The following ENOX2 variants were observed in gnomAD, a reference collection of about 807,000 sequenced individuals.
The protein encoded by ENOX2 is ecto-NOX disulfide-thiol exchanger 2, also known as APK1 antigen.
Under a neutral mutation model 45.0 loss-of-function variants are expected in ENOX2, and 36 were observed. The observed-to-expected ratio is 0.80, with a 90% CI of 0.61 to 1.06. The LOEUF (loss-of-function observed/expected upper bound fraction) is 1.06, where lower values mean the gene tolerates loss of function less well. ENOX2 is among the 50% of genes least tolerant of loss of function. The pLI is 0.00. For synonymous variants in ENOX2, 174 were observed against 152.3 expected (o/e 1.14, Z -1.05); for missense variants, 423 against 462.5 (o/e 0.91, Z 0.78).
chrX:130,664,075 A>G (rs1302454381), intron 9 of ENOX2, among the ~76,000 whole-genome samples: 1 of 112,014 alleles, frequency 8.9e-6, no homozygotes, highest in Non-Finnish European at 1.9e-5. Flanking sequence ...ACAAGTAAAG[A>G]TGCTATTGGC....
chrX:130,807,045 T>C (rs776676097), intron 2 of ENOX2, among the ~76,000 whole-genome samples: 1 of 112,029 alleles, frequency 8.9e-6, no homozygotes, highest in South Asian at 3.7e-4. Context: ...TTCTCCTAAC[T>C]ACACTTGACC....
chrX:130,750,806 C>A (rs923606509), intron 3 of ENOX2, among the ~76,000 whole-genome samples: 3 of 111,454 alleles, frequency 2.7e-5, no homozygotes, highest in African/African-American at 9.8e-5. Context: ...CTGTCTGCTG[C>A]TCTGTGCTTC....
chrX:130,783,762 G>A (rs998210062), intron 2 of ENOX2, 72 bp from the exon 3 acceptor site: 1 of 227,666 alleles, frequency 4.4e-6, no homozygotes, highest in Admixed American at 6.3e-5. Context: ...TTTATTATAT[G>A]AGCCACTAGT....
chrX:130,838,389 C>G (rs1603365843), intron 2 of ENOX2, among the ~76,000 whole-genome samples: 1 of 111,534 alleles, frequency 9.0e-6, no homozygotes, highest in Middle Eastern at 4.6e-3. Context: ...TCTCAAAAAA[C>G]AAACAAAAAA....
chrX:130,689,097 A>T (rs2037523962), intron 4 of ENOX2, 79 bp from the exon 5 acceptor site: 2 of 892,940 alleles, frequency 2.2e-6, no homozygotes, highest in Non-Finnish European at 3.1e-6. Context: ...GTAAGCTTCA[A>T]ATCAAAGGCC....
intron 2 of ENOX2, among the ~76,000 whole-genome samples, chrX:130,874,801 T>C (rs1427637238): frequency 2.7e-5 from 3 of 110,993 alleles, no homozygotes; most frequent in Non-Finnish European, 5.7e-5. Flanking sequence ...TGTAGAGACA[T>C]ACACACAGCC....
intron 2 of ENOX2, among the ~76,000 whole-genome samples, chrX:130,860,771 C>T (rs2078395952): frequency 8.9e-6 from 1 of 111,746 alleles, no homozygotes; most frequent in Non-Finnish European, 1.9e-5. Flanking sequence ...TTCCACCTTG[C>T]TCATACACCT....
chrX:130,732,258 G>A (rs368777134), intron 3 of ENOX2, among the ~76,000 whole-genome samples: 22 of 111,802 alleles, frequency 2.0e-4, no homozygotes, highest in East Asian at 1.9e-3. Context: ...ATAATAGCAC[G>A]AAGGAGAATA....
chrX:130,773,860 T>G (rs1033788013), intron 3 of ENOX2, among the ~76,000 whole-genome samples: 1 of 112,289 alleles, frequency 8.9e-6, no homozygotes, highest in Non-Finnish European at 1.9e-5. Context: ...TTAAATTGAA[T>G]AGCTCACATT....
intron 2 of ENOX2, among the ~76,000 whole-genome samples, chrX:130,870,890 G>A (rs898441776): frequency 9.7e-6 from 1 of 103,103 alleles, no homozygotes; most frequent in Middle Eastern, 4.9e-3. Flanking sequence ...GGGAGGGAGA[G>A]AGGGAGGGAG....
At chrX:130,796,611 GGTTT>G (rs2077133059) in intron 2 of ENOX2, among the ~76,000 whole-genome samples, 2 of 111,750 alleles carry the variant, frequency 1.8e-5, no homozygotes, top group Non-Finnish European at 3.8e-5. Flanking sequence ...TCTCAGACTT[GGTTT>G]ATTTTGTCTA....
intron 9 of ENOX2, among the ~76,000 whole-genome samples, chrX:130,658,853 G>A (rs1056272025): frequency 8.9e-6 from 1 of 112,273 alleles, no homozygotes; most frequent in Non-Finnish European, 1.9e-5. Flanking sequence ...ATAGACTTGC[G>A]CTATAGAAAT....
chrX:130,656,479 G>A (rs1001215756), intron 10 of ENOX2, 102 bp downstream of exon 10: 19 of 508,967 alleles, frequency 3.7e-5, no homozygotes, highest in Middle Eastern at 5.6e-4. Flanking sequence ...TGGTATCCAG[G>A]CTGATAGGTT....
chrX:130,744,245 C>T (rs1734711870), intron 3 of ENOX2, among the ~76,000 whole-genome samples: 1 of 111,985 alleles, frequency 8.9e-6, no homozygotes, highest in Non-Finnish European at 1.9e-5. Context: ...TTAGATGGCT[C>T]TATGAGTTCC....
intron 2 of ENOX2, among the ~76,000 whole-genome samples, chrX:130,789,619 G>A (rs2077013698): frequency 8.9e-6 from 1 of 112,178 alleles, no homozygotes; most frequent in African/African-American, 3.2e-5. Context: ...TCAGTACTTG[G>A]CAATAAGAAC....
chrX:130,683,914 T>A (rs1427422149), intron 5 of ENOX2, among the ~76,000 whole-genome samples: 1 of 112,051 alleles, frequency 8.9e-6, no homozygotes, highest in Non-Finnish European at 1.9e-5. Context: ...TCTAGTTTGA[T>A]CCATTGACTT....
intron 10 of ENOX2, among the ~76,000 whole-genome samples, chrX:130,642,776 AT>A (rs368347365): frequency 0.013 from 1,406 of 111,940 alleles, 21 homozygotes; most frequent in African/African-American, 0.044. Flanking sequence ...TAGTTAACAC[AT>A]TTTTTTTAGC....
intron 6 of ENOX2, among the ~76,000 whole-genome samples, chrX:130,674,363 C>T (rs1199068766): frequency 9.8e-6 from 1 of 102,212 alleles, no homozygotes; most frequent in African/African-American, 3.6e-5. Flanking sequence ...AGAAAAAAGA[C>T]TGAAAAAAAA....
chrX:130,795,531 C>T (rs964560356), intron 2 of ENOX2, among the ~76,000 whole-genome samples: 8 of 112,004 alleles, frequency 7.1e-5, no homozygotes, highest in African/African-American at 2.6e-4. Flanking sequence ...TTTATTTGTC[C>T]AATTCATTCA....
Sources: allele counts gnomAD v4.1 joint callset (sites outside exome capture counted in the v4.1 genomes callset), GRCh38; gene constraint gnomAD v4.1.1; transcripts MANE v1.5; gene names NCBI Gene and HGNC (gene_info 2026-07-23, HGNC 2026-07-21).